Variants in ZBTB16 observed in about 807,000 individuals in gnomAD.
ZBTB16 encodes zinc finger and BTB domain containing 16, also known as zinc finger and BTB domain-containing protein 16.
In ZBTB16, 8 loss-of-function variants were observed where a neutral mutation model predicts 56.8. The ratio of observed to expected loss-of-function variants is 0.14; its 90% CI spans 0.08 to 0.25. The LOEUF (loss-of-function observed/expected upper bound fraction) is 0.25. Among genes scored for constraint, ZBTB16 ranks in the 10% least tolerant of loss-of-function variants. The pLI is 1.00. For missense variants in ZBTB16, 625 were observed against 903.0 expected, an observed-to-expected ratio of 0.69 and a Z score of 3.95; for synonymous variants, 363 against 368.5, an observed-to-expected ratio of 0.98 and a Z score of 0.17.
At chr11:114,236,000 C>T (rs1944582641) in intron 4 of ZBTB16, among the ~76,000 whole-genome samples, 1 of 151,960 alleles carries the variant, frequency 6.6e-6, no homozygotes, top group Non-Finnish European at 1.5e-5. Flanking sequence ...GTCTCGATAG[C>T]ATCATCCTTT....
intron 2 of ZBTB16, among the ~76,000 whole-genome samples, chr11:114,141,028 C>T (rs1304697424): frequency 2.0e-5 from 3 of 152,158 alleles, no homozygotes; most frequent in African/African-American, 7.2e-5. Context: ...CAGCATCAGT[C>T]TCAGGACTCC....
At chr11:114,248,340 C>G (rs1391876899) in intron 6 of ZBTB16, among the ~76,000 whole-genome samples, 1 of 152,224 alleles carries the variant, frequency 6.6e-6, no homozygotes, top group African/African-American at 2.4e-5. Flanking sequence ...GCTAATTTTT[C>G]ACATTTCTTC....
At chr11:114,116,879 G>A (rs943982079) in intron 2 of ZBTB16, among the ~76,000 whole-genome samples, 1 of 152,080 alleles carries the variant, frequency 6.6e-6, no homozygotes, top group Non-Finnish European at 1.5e-5. Context: ...CTTGACCCTC[G>A]TCCCCAAGAA....
At chr11:114,148,336 G>GCTGGCTTGCTTGCTTCCTTC (rs1369514528) in intron 2 of ZBTB16, among the ~76,000 whole-genome samples, 10 of 52,598 alleles carry the variant, frequency 1.9e-4, no homozygotes, top group Non-Finnish European at 3.6e-4. Context: ...TGGCTGGCTG[G>GCTGGCTTGCTTGCTTCCTTC]CTTCCTTCCT....
At chr11:114,108,457 C>T (rs1244549109) in intron 2 of ZBTB16, among the ~76,000 whole-genome samples, 1 of 152,190 alleles carries the variant, frequency 6.6e-6, no homozygotes, top group South Asian at 2.1e-4. Context: ...GGCTTATTTG[C>T]AGGTCTTCTT....
chr11:114,225,842 C>T (rs1027593262), intron 4 of ZBTB16, among the ~76,000 whole-genome samples: 1 of 152,216 alleles, frequency 6.6e-6, no homozygotes, highest in Non-Finnish European at 1.5e-5. Flanking sequence ...GTTTCTCCAT[C>T]CCCTAATCAT....
chr11:114,117,640 T>G (rs1019563025), intron 2 of ZBTB16, among the ~76,000 whole-genome samples: 7 of 152,098 alleles, frequency 4.6e-5, no homozygotes, highest in Non-Finnish European at 8.8e-5. Flanking sequence ...AAAACCAAAG[T>G]CTCTCTTTTG....
intron 2 of ZBTB16, among the ~76,000 whole-genome samples, chr11:114,070,094 C>CTTTTT (rs4020465): frequency 2.6e-5 from 2 of 75,970 alleles, no homozygotes; most frequent in African/African-American, 5.4e-5. Context: ...GAGTACCTTT[C>CTTTTT]TTTTTTTTTT....
At chr11:114,201,504 A>G (rs1325052965) in intron 4 of ZBTB16, among the ~76,000 whole-genome samples, 6 of 152,326 alleles carry the variant, frequency 3.9e-5, no homozygotes, top group Non-Finnish European at 8.8e-5. Flanking sequence ...TTGGCGTTTC[A>G]TCCCCGACTT....
At chr11:114,185,593 G>T (rs1260450916) in intron 3 of ZBTB16, among the ~76,000 whole-genome samples, 2 of 152,224 alleles carry the variant, frequency 1.3e-5, no homozygotes, top group Non-Finnish European at 2.9e-5. Flanking sequence ...TGCATCTGTT[G>T]AGTAGATTGC....
At chr11:114,062,101 ACACT>A (rs1938897485) in intron 1 of ZBTB16, among the ~76,000 whole-genome samples, 1 of 137,986 alleles carries the variant, frequency 7.2e-6, no homozygotes, top group African/African-American at 2.5e-5. Context: ...AAACACACAC[ACACT>A]TTTTTTTTTT....
chr11:114,185,667 G>A (rs749169246), intron 3 of ZBTB16, among the ~76,000 whole-genome samples: 1 of 152,178 alleles, frequency 6.6e-6, no homozygotes, highest in Non-Finnish European at 1.5e-5. Flanking sequence ...CGCAGCAAGG[G>A]CCTGAATGGG....
At position 114,064,038 on chromosome 11, in the gene ZBTB16, G is replaced by A; in HGVS notation, c.738G>A (p.Met246Ile). The stretch of plus-strand genomic sequence containing the variant: ...TGGCTGAGGTGAAGACGGAGATGAT[G>A]CAGGTGGATGAGGTGCCCAGCCAGG... ...PGVAEVKTEMMQVDEVPSQDS... is the reference protein window; with the variant it reads ...PGVAEVKTEMIQVDEVPSQDS... The change falls in exon 2 of 7, where the codon ATG becomes ATA. Residue 246 changes from methionine to isoleucine, a missense_variant. Transcript: ENST00000335953. This position sits in a 1 kb window ranked among gnomAD's most constrained non-coding sequence, Gnocchi z 4.2. 6.2e-7 allele frequency: 1 copy of A among 1,613,330 alleles called. No individual in the cohort carries two copies. Among genetic ancestry groups the A allele is most frequent in the Non-Finnish European group, 8.5e-7 (1 of 1,179,704 alleles).
At chr11:114,124,884 A>G (rs142008746) in intron 2 of ZBTB16, among the ~76,000 whole-genome samples, 71 of 152,340 alleles carry the variant, frequency 4.7e-4, no homozygotes, top group Admixed American at 8.5e-4. Flanking sequence ...TTCATGAGCA[A>G]GAAGAGAAGC....
At chr11:114,076,406 G>A (rs577249022) in intron 2 of ZBTB16, among the ~76,000 whole-genome samples, 14 of 152,252 alleles carry the variant, frequency 9.2e-5, no homozygotes, top group South Asian at 8.3e-4. Context: ...TCACCTCCTC[G>A]TGGGCTTCTC....
At chr11:114,100,254 C>T (rs1940560861) in intron 2 of ZBTB16, among the ~76,000 whole-genome samples, 1 of 152,206 alleles carries the variant, frequency 6.6e-6, no homozygotes, top group African/African-American at 2.4e-5. Flanking sequence ...TCATCTCTCT[C>T]TGCTCATGGT....
chr11:114,125,149 A>G (rs1941471286), intron 2 of ZBTB16, among the ~76,000 whole-genome samples: 1 of 152,240 alleles, frequency 6.6e-6, no homozygotes, highest in Non-Finnish European at 1.5e-5. Flanking sequence ...CATTTTAACA[A>G]GAGAGGCAGT....
At position 114,252,201 on chromosome 11, in the gene ZBTB16, C is replaced by A. The variant is rs1201965764; in HGVS notation, c.*1646C>A. On this transcript the variant is annotated 3_prime_UTR_variant, in exon 7 of 7. Transcript: ENST00000335953. ...TTTTGGCTCCGCTGGTGCATGAAGT[C>A]ACCTGTGGCCACCATCCGTTCCGCC... is the stretch of plus-strand genomic sequence containing the variant. 4.6e-5 allele frequency among the ~76,000 whole-genome samples: 7 copies of A among 152,104 alleles called. No individual in the cohort carries two copies.
At chr11:114,096,707 A>G (rs1565623382) in intron 2 of ZBTB16, among the ~76,000 whole-genome samples, 2 of 152,142 alleles carry the variant, frequency 1.3e-5, no homozygotes, top group Non-Finnish European at 2.9e-5. Context: ...AAATGAGGAA[A>G]CTTGAGGGGT....
Sources: allele counts gnomAD v4.1 joint callset (sites outside exome capture counted in the v4.1 genomes callset), GRCh38; gene constraint gnomAD v4.1.1; non-coding constraint Gnocchi (gnomAD v3.1); transcripts MANE v1.5; gene names NCBI Gene and HGNC (gene_info 2026-07-23, HGNC 2026-07-21).